The following KLF12 variants were observed in gnomAD, a reference collection of about 807,000 sequenced individuals.
The protein encoded by KLF12 is Krueppel-like factor 12.
Under a neutral mutation model 37.8 loss-of-function variants are expected in KLF12, and 9 were observed. The ratio of observed to expected loss-of-function variants is 0.24; its 90% CI spans 0.14 to 0.42. KLF12 has a LOEUF of 0.42. Among genes scored for constraint, KLF12 ranks in the 10% least tolerant of loss-of-function variants. The probability of loss-of-function intolerance (pLI) is 1.00; values close to 1 mark genes in which losing one functional copy is unlikely to be tolerated. For missense variants in KLF12, 411 were observed against 516.0 expected (o/e 0.80, Z 1.97); for synonymous variants, 208 against 202.1 (o/e 1.03, Z -0.25).
chr13:73,906,918 T>G (rs2139123332), intron 3 of KLF12, among the ~76,000 whole-genome samples: 1 of 152,298 alleles, frequency 6.6e-6, no homozygotes, highest in African/African-American at 2.4e-5. Context: ...TCCTTATTAC[T>G]TGCCCAAATC....
chr13:73,995,193 G>A (rs1199683357), intron 1 of KLF12, 140 bp from the exon 2 acceptor site: 1 of 606,016 alleles, frequency 1.7e-6, no homozygotes, highest in Non-Finnish European at 2.8e-6. Flanking sequence ...CTTTTCTTCA[G>A]CTATGTGTTG....
the KLF12 span, among the ~76,000 whole-genome samples, chr13:74,239,461 T>C: frequency 8.2e-6 from 1 of 122,632 alleles, no homozygotes; most frequent in East Asian, 2.3e-4. Flanking sequence ...TTAGGTCTGC[T>C]TGGTGCAGAG....
At chr13:74,238,335 G>A in the KLF12 span, among the ~76,000 whole-genome samples, 15 of 130,478 alleles carry the variant, frequency 1.1e-4, no homozygotes, top group Admixed American at 2.1e-4. Context: ...TGCTGGATTC[G>A]TTTTGCCAGT....
intron 2 of KLF12, among the ~76,000 whole-genome samples, chr13:73,950,353 T>G (rs1412235556): frequency 6.6e-6 from 1 of 152,190 alleles, no homozygotes; most frequent in Non-Finnish European, 1.5e-5. Context: ...AATACATTTT[T>G]AAGGATTACA....
At chr13:73,702,058 T>C (rs1270756180) in intron 7 of KLF12, among the ~76,000 whole-genome samples, 1 of 152,170 alleles carries the variant, frequency 6.6e-6, no homozygotes, top group Non-Finnish European at 1.5e-5. Flanking sequence ...GTGGTTGTTA[T>C]TGTTCATCCT....
At chr13:74,068,856 C>T (rs1457628316) in intron 1 of KLF12, among the ~76,000 whole-genome samples, 1 of 152,128 alleles carries the variant, frequency 6.6e-6, no homozygotes, top group Non-Finnish European at 1.5e-5. Flanking sequence ...TGCACCCGGC[C>T]TATTTGAATA....
At chr13:74,280,734 T>G in the KLF12 span, among the ~76,000 whole-genome samples, 1 of 152,106 alleles carries the variant, frequency 6.6e-6, no homozygotes, top group Non-Finnish European at 1.5e-5. Flanking sequence ...TAGCAAATAC[T>G]GTTTCGTGAA....
intron 1 of KLF12, among the ~76,000 whole-genome samples, chr13:74,108,496 T>C (rs932911401): frequency 6.6e-6 from 1 of 152,152 alleles, no homozygotes; most frequent in Non-Finnish European, 1.5e-5. Context: ...AGTTGACCTT[T>C]GAATGTGGGG....
intron 1 of KLF12, among the ~76,000 whole-genome samples, chr13:74,079,692 C>T (rs989235650): frequency 3.9e-5 from 6 of 152,200 alleles, no homozygotes; most frequent in African/African-American, 1.4e-4. Flanking sequence ...TTCCAGACAA[C>T]TCACACCTAT....
intron 1 of KLF12, among the ~76,000 whole-genome samples, chr13:74,106,701 G>A (rs57485979): frequency 0.022 from 3,283 of 152,190 alleles, 120 homozygotes; most frequent in African/African-American, 0.072. Context: ...GGGCTAAACA[G>A]ATGATCATTA....
At chr13:74,134,744 G>C (rs1878473840), upstream of KLF12, among the ~76,000 whole-genome samples, 1 of 152,048 alleles carries the variant, frequency 6.6e-6, no homozygotes, top group Non-Finnish European at 1.5e-5. Flanking sequence ...CGAGCCGCGA[G>C]AAAGTCTCCT....
intron 6 of KLF12, among the ~76,000 whole-genome samples, chr13:73,718,721 T>C (rs1267268699): frequency 1.3e-5 from 2 of 152,086 alleles, no homozygotes; most frequent in Non-Finnish European, 2.9e-5. Flanking sequence ...GGTGAAACCC[T>C]GTCTCTACAA....
At chr13:74,114,677 A>G (rs924379974) in intron 1 of KLF12, among the ~76,000 whole-genome samples, 4 of 152,210 alleles carry the variant, frequency 2.6e-5, no homozygotes, top group African/African-American at 7.2e-5. Flanking sequence ...TGGCAGCATC[A>G]AGTTGTCAAC....
chr13:73,751,227 T>C (rs1405667262), intron 6 of KLF12, among the ~76,000 whole-genome samples: 1 of 152,172 alleles, frequency 6.6e-6, no homozygotes, highest in African/African-American at 2.4e-5. Context: ...CTTTTTGATA[T>C]AATGATTTCT....
At chr13:74,016,140 T>C (rs1490084775) in intron 1 of KLF12, among the ~76,000 whole-genome samples, 1 of 151,924 alleles carries the variant, frequency 6.6e-6, no homozygotes, top group African/African-American at 2.4e-5. Flanking sequence ...GATAAGCCCA[T>C]TAAAAAAGAA....
chr13:73,833,602 G>A (rs1271507348), intron 4 of KLF12, among the ~76,000 whole-genome samples: 1 of 152,144 alleles, frequency 6.6e-6, no homozygotes, highest in Non-Finnish European at 1.5e-5. Context: ...GGGGGTGGTG[G>A]TGGTATATGA....
chr13:74,029,931 A>G (rs1317442279), intron 1 of KLF12, among the ~76,000 whole-genome samples: 1 of 152,114 alleles, frequency 6.6e-6, no homozygotes, highest in Non-Finnish European at 1.5e-5. Flanking sequence ...AGTTGAGGCC[A>G]CAGGAAGAGC....
the KLF12 span, among the ~76,000 whole-genome samples, chr13:74,160,340 G>T: frequency 6.6e-6 from 1 of 152,042 alleles, no homozygotes; most frequent in Non-Finnish European, 1.5e-5. Context: ...CCATCTACCA[G>T]GTCTGTTTTA....
intron 4 of KLF12, among the ~76,000 whole-genome samples, chr13:73,843,038 A>C (rs893791379): frequency 2.0e-5 from 3 of 152,206 alleles, no homozygotes; most frequent in Admixed American, 6.5e-5. Context: ...AAAATAGAAA[A>C]TATGGGATGT....
Sources: gnomAD v4.1 joint callset for allele counts (sites outside exome capture counted in the v4.1 genomes callset) on GRCh38, gnomAD v4.1.1 for gene constraint, MANE v1.5 for transcripts, NCBI Gene and HGNC (gene_info 2026-07-23, HGNC 2026-07-21) for gene names.